The following CWC27 variants were observed in gnomAD, a reference collection of about 807,000 sequenced individuals.
CWC27 encodes the protein CWC27 spliceosome associated cyclophilin.
In CWC27, 47 loss-of-function variants were observed where a neutral mutation model predicts 63.6. That is an observed-to-expected ratio of 0.74 (90% confidence interval 0.58 to 0.94). CWC27 has a LOEUF of 0.94. Ranked by LOEUF, CWC27 falls within the 40% of genes least tolerant of loss-of-function variation. The pLI is 0.00. For synonymous variants in CWC27, 175 were observed against 179.8 expected (o/e 0.97, Z 0.22); for missense variants, 495 against 554.3 (o/e 0.89, Z 1.07).
At chr5:64,780,593 CTTATATA>C (rs1217705724) in intron 2 of CWC27, among the ~76,000 whole-genome samples, 1 of 147,690 alleles carries the variant, frequency 6.8e-6, no homozygotes, top group Non-Finnish European at 1.5e-5. Context: ...ACTATAATTA[CTTATATA>C]TTATATATTA....
intron 11 of CWC27, among the ~76,000 whole-genome samples, chr5:64,889,123 A>C (rs1747158316): frequency 6.6e-6 from 1 of 152,212 alleles, no homozygotes; most frequent in Admixed American, 6.5e-5. Flanking sequence ...CATGAAAGAC[A>C]AGGAATGATT....
chr5:64,848,910 T>A (rs772549101), intron 10 of CWC27, among the ~76,000 whole-genome samples: 3 of 152,164 alleles, frequency 2.0e-5, no homozygotes. Context: ...GAAAGCTTTT[T>A]CTCTTAAAAT....
chr5:64,868,816 G>T (rs547001379), intron 10 of CWC27, among the ~76,000 whole-genome samples: 1 of 151,784 alleles, frequency 6.6e-6, no homozygotes, highest in South Asian at 2.1e-4. Flanking sequence ...TCTAGTTGTC[G>T]TATAGCATGT....
At chr5:64,809,300 A>G (rs556044705) in intron 10 of CWC27, among the ~76,000 whole-genome samples, 2 of 152,358 alleles carry the variant, frequency 1.3e-5, no homozygotes, top group African/African-American at 4.8e-5. Flanking sequence ...TGGTGAAAAC[A>G]TTAAAAATGT....
intron 10 of CWC27, among the ~76,000 whole-genome samples, chr5:64,858,979 T>C (rs1053141842): frequency 3.9e-5 from 6 of 152,206 alleles, no homozygotes; most frequent in African/African-American, 1.4e-4. Flanking sequence ...AGCCAAACAC[T>C]GGAAGCAACC....
At position 64,786,826 on chromosome 5, in the gene CWC27, T is replaced by C. The variant is rs184302096; in HGVS notation, c.599+199T>C. Among the ~76,000 whole-genome samples the C allele has an allele frequency of 3.6e-4, 55 of 152,254 alleles. No homozygotes were observed. In the East Asian group the frequency reaches 9.4e-3, roughly 26 times the overall value. ...AAGACATGCCTGAGACTGAGAGATA[T>C]TGGAATTATGAGTGTGTGGTTGTAT... On this transcript the variant is annotated intron_variant, in intron 6 of 13. Coordinates refer to ENST00000381070, the MANE Select transcript of CWC27 (RefSeq NM_005869.4).
chr5:64,792,907 T>C (rs1406069375), intron 7 of CWC27, among the ~76,000 whole-genome samples: 1 of 152,216 alleles, frequency 6.6e-6, no homozygotes, highest in African/African-American at 2.4e-5. Context: ...TCCCACTTAC[T>C]GTTGTGAGTA....
chr5:64,772,868 C>T (rs1034459795), intron 1 of CWC27, among the ~76,000 whole-genome samples: 7 of 150,346 alleles, frequency 4.7e-5, no homozygotes, highest in African/African-American at 1.7e-4. Flanking sequence ...ACCCGGGAAG[C>T]AGAGGTTGCA....
chr5:64,984,707 T>G (rs1749391989), intron 13 of CWC27, among the ~76,000 whole-genome samples: 1 of 152,180 alleles, frequency 6.6e-6, no homozygotes, highest in African/African-American at 2.4e-5. Flanking sequence ...AAGTCTTTTT[T>G]GGGATATGTT....
chr5:65,012,547 G>T (rs1749980877), intron 13 of CWC27, among the ~76,000 whole-genome samples: 1 of 152,146 alleles, frequency 6.6e-6, no homozygotes, highest in African/African-American at 2.4e-5. Flanking sequence ...TAGGGCCTGG[G>T]TCATATTTGG....
intron 2 of CWC27, among the ~76,000 whole-genome samples, chr5:64,776,585 A>G (rs1257833409): frequency 6.6e-6 from 1 of 152,146 alleles, no homozygotes; most frequent in Admixed American, 6.6e-5. Context: ...CTCTTAATTG[A>G]ATAGAGATAG....
intron 11 of CWC27, among the ~76,000 whole-genome samples, chr5:64,915,012 G>A (rs1747863599): frequency 6.6e-6 from 1 of 152,110 alleles, no homozygotes; most frequent in African/African-American, 2.4e-5. Context: ...TAAATGATGT[G>A]ATTTCATTTT....
intron 13 of CWC27, among the ~76,000 whole-genome samples, chr5:65,012,975 A>G (rs1470314184): frequency 6.6e-6 from 1 of 152,212 alleles, no homozygotes; most frequent in Admixed American, 6.5e-5. Context: ...GATAGTTTTT[A>G]AAGCTACTTG....
At chr5:64,771,005 C>T (rs1168268880) in intron 1 of CWC27, among the ~76,000 whole-genome samples, 1 of 152,144 alleles carries the variant, frequency 6.6e-6, no homozygotes, top group Non-Finnish European at 1.5e-5. Flanking sequence ...ACTCAGTTGT[C>T]ATGAGTTAGT....
At chr5:64,947,588 A>T (rs1459317581) in intron 11 of CWC27, among the ~76,000 whole-genome samples, 3 of 152,148 alleles carry the variant, frequency 2.0e-5, no homozygotes, top group African/African-American at 7.2e-5. Context: ...ATCTGTTATT[A>T]TCTGTACCAT....
At chr5:64,812,381 C>T (rs1455538289) in intron 10 of CWC27, among the ~76,000 whole-genome samples, 1 of 152,074 alleles carries the variant, frequency 6.6e-6, no homozygotes, top group East Asian at 1.9e-4. Context: ...AACATTTCTG[C>T]TTCCTTTCAT....
chr5:64,901,330 A>G (rs918196649), intron 11 of CWC27, among the ~76,000 whole-genome samples: 3 of 151,996 alleles, frequency 2.0e-5, no homozygotes, highest in African/African-American at 7.2e-5. Flanking sequence ...GTGTGGTGGC[A>G]GGTGCCTGTA....
At chr5:64,773,623 C>T (rs1432767386) in intron 1 of CWC27, among the ~76,000 whole-genome samples, 1 of 152,068 alleles carries the variant, frequency 6.6e-6, no homozygotes, top group East Asian at 1.9e-4. Context: ...GTGATGGTCA[C>T]AAATTATTGA....
At chr5:64,784,355 G>GT (rs750360766) in intron 4 of CWC27, among the ~76,000 whole-genome samples, 37 of 152,296 alleles carry the variant, frequency 2.4e-4, no homozygotes, top group Non-Finnish European at 4.4e-4. Flanking sequence ...ATTTTCTTAA[G>GT]TTTAAAGTGG....
Sources: gnomAD v4.1 joint callset for allele counts (sites outside exome capture counted in the v4.1 genomes callset) on GRCh38, gnomAD v4.1.1 for gene constraint, MANE v1.5 for transcripts, NCBI Gene and HGNC (gene_info 2026-07-23, HGNC 2026-07-21) for gene names.